Variants in CALN1 observed in about 807,000 individuals in gnomAD.
CALN1 encodes calneuron 1.
In CALN1, 17 loss-of-function variants were observed where a neutral mutation model predicts 30.6. The observed-to-expected ratio is 0.56, with a 90% CI of 0.38 to 0.83. CALN1 has a LOEUF of 0.83. Ranked by LOEUF, CALN1 falls within the 40% of genes least tolerant of loss-of-function variation. CALN1 has a pLI of 0.00. For missense variants in CALN1, 291 were observed against 354.9 expected, an observed-to-expected ratio of 0.82 and a Z score of 1.45; for synonymous variants, 156 against 131.4, an observed-to-expected ratio of 1.19 and a Z score of -1.28.
chr7:72,170,438 T>C (rs1788856985), intron 3 of CALN1, among the ~76,000 whole-genome samples: 1 of 152,222 alleles, frequency 6.6e-6, no homozygotes, highest in African/African-American at 2.4e-5. Context: ...GTCAACCAGA[T>C]GAGCAGCAGC....
chr7:72,068,278 A>C (rs1804161128), intron 4 of CALN1, among the ~76,000 whole-genome samples: 1 of 152,342 alleles, frequency 6.6e-6, no homozygotes, highest in African/African-American at 2.4e-5. Flanking sequence ...ATATTAACAG[A>C]GATCTATTCT....
chr7:71,851,810 G>A (rs186648345), intron 5 of CALN1, among the ~76,000 whole-genome samples: 4 of 152,264 alleles, frequency 2.6e-5, no homozygotes, highest in East Asian at 1.9e-4. Flanking sequence ...GCAGAAAAGT[G>A]CACAAACAAA....
At position 72,281,622 on chromosome 7, in the gene CALN1, C is replaced by G. The variant is rs564531190; in HGVS notation, c.120-2812G>C. On this transcript the variant is annotated intron_variant, in intron 2 of 6. Transcript: ENST00000395275. ...AAGTCTTCACAAGCATGGAAAGACA[C>G]CTGCTCTGTTCTTATCTAATTCACT... Among the ~76,000 whole-genome samples, 11 of 152,318 alleles carry G rather than the reference C, an allele frequency of 7.2e-5. 1 individual carries two copies. In the East Asian group the frequency reaches 1.9e-3, roughly 27 times the overall value.
intron 5 of CALN1, among the ~76,000 whole-genome samples, chr7:71,868,813 C>T (rs1791750513): frequency 6.6e-6 from 1 of 152,104 alleles, no homozygotes; most frequent in Admixed American, 6.6e-5. Flanking sequence ...GAAACCATAT[C>T]TGGGAAGGAT....
intron 5 of CALN1, chr7:71,913,759 AC>A (rs1365970704): frequency 6.6e-6 from 1 of 152,222 alleles, no homozygotes; most frequent in Non-Finnish European, 1.5e-5. Flanking sequence ...CCTGGTATTC[AC>A]AGGTGGTCTC....
At chr7:72,031,048 A>T (rs1163683011) in intron 4 of CALN1, among the ~76,000 whole-genome samples, 1 of 152,166 alleles carries the variant, frequency 6.6e-6, no homozygotes. Context: ...CCATTTGACA[A>T]ATGAGAAAAC....
chr7:72,313,054 C>T lies in CALN1; in HGVS notation c.120-34244G>A, dbSNP rs1191424242. The stretch of plus-strand genomic sequence containing the variant: ...TTCACCATGTTGGCCAGGCTGGTCT[C>T]GAACTCCTGACCTCAGGTGATCCGC... On this transcript the variant is annotated intron_variant, in intron 2 of 6. Coordinates refer to ENST00000395275, the MANE Select transcript of CALN1 (RefSeq NM_031468.4). 2.0e-5 allele frequency among the ~76,000 whole-genome samples: 3 copies of T among 152,112 alleles called. No individual in the cohort carries two copies. In the East Asian group the frequency reaches 5.8e-4, roughly 30 times the overall value.
chr7:72,407,057 G>A lies in CALN1; in HGVS notation c.-73-3615C>T, dbSNP rs1353178306. The stretch of plus-strand genomic sequence containing the variant: ...CCACCCAAAAAGTGATGTAGCCCTG[G>A]GTCTACGCTTTGAGTACTCTATCAC... On this transcript the variant is annotated intron_variant, in intron 1 of 6. Transcript: ENST00000395275. Among the ~76,000 whole-genome samples the A allele has an allele frequency of 1.4e-4, 22 of 152,040 alleles. 1 individual carries two copies. The highest frequency in any genetic ancestry group is 1.4e-3 in the Admixed American group (22 of 15,272).
chr7:71,943,536 G>T (rs1024824586), intron 5 of CALN1, among the ~76,000 whole-genome samples: 5 of 151,318 alleles, frequency 3.3e-5, no homozygotes. Context: ...TGCCTCTGGG[G>T]TTCAAGTCAT....
intron 3 of CALN1, among the ~76,000 whole-genome samples, chr7:72,162,094 G>A (rs1228592508): frequency 6.6e-6 from 1 of 151,522 alleles, no homozygotes; most frequent in Non-Finnish European, 1.5e-5. Context: ...GACAAACTTA[G>A]AATAGAGGTA....
At chr7:72,265,743 A>T (rs900959247) in intron 3 of CALN1, among the ~76,000 whole-genome samples, 1 of 152,054 alleles carries the variant, frequency 6.6e-6, no homozygotes, top group Non-Finnish European at 1.5e-5. Flanking sequence ...ACAAGATACC[A>T]CCCTCTGCTT....
intron 3 of CALN1, among the ~76,000 whole-genome samples, chr7:72,174,630 GAGAA>G (rs1789204545): frequency 1.3e-5 from 2 of 152,118 alleles, no homozygotes; most frequent in Admixed American, 1.3e-4. Flanking sequence ...AATATGCTAA[GAGAA>G]AGAAGCCAGA....
At chr7:72,233,390 G>T (rs988416541) in intron 3 of CALN1, among the ~76,000 whole-genome samples, 2 of 151,956 alleles carry the variant, frequency 1.3e-5, no homozygotes, top group Admixed American at 6.6e-5. Context: ...GAGAAGAGAA[G>T]GCAGTGTTCA....
chr7:72,093,101 T>C (rs1193303042), intron 4 of CALN1, among the ~76,000 whole-genome samples: 2 of 152,092 alleles, frequency 1.3e-5, no homozygotes, highest in East Asian at 1.9e-4. Flanking sequence ...GGGAAAAAAA[T>C]GGGTAACCAA....
chr7:71,919,900 G>T (rs1266100539), intron 5 of CALN1, among the ~76,000 whole-genome samples: 3 of 152,208 alleles, frequency 2.0e-5, no homozygotes, highest in African/African-American at 7.2e-5. Context: ...TCTAATGACA[G>T]TATTTCCCGA....
At chr7:72,384,915 C>T (rs1256671810) in intron 2 of CALN1, among the ~76,000 whole-genome samples, 1 of 151,988 alleles carries the variant, frequency 6.6e-6, no homozygotes, top group Non-Finnish European at 1.5e-5. Context: ...TGATAAAGGA[C>T]TTGTAGTCAA....
intron 1 of CALN1, among the ~76,000 whole-genome samples, chr7:72,410,772 C>G (rs187104310): frequency 6.2e-4 from 94 of 152,174 alleles, no homozygotes; most frequent in Admixed American, 9.8e-4. Flanking sequence ...TAAATACACA[C>G]ACCTCCGTAT....
intron 3 of CALN1, among the ~76,000 whole-genome samples, chr7:72,185,696 T>G (rs146124792): frequency 6.6e-6 from 1 of 152,170 alleles, no homozygotes; most frequent in African/African-American, 2.4e-5. Context: ...TGGGAGATAA[T>G]TGAATCATGG....
intron 3 of CALN1, among the ~76,000 whole-genome samples, chr7:72,140,340 A>AAAGG (rs1809824183): frequency 1.5e-5 from 1 of 65,336 alleles, no homozygotes; most frequent in Non-Finnish European, 3.4e-5. Context: ...AGAAGGAAGG[A>AAAGG]AGGGAGGGAG....
Sources: gnomAD v4.1 joint callset for allele counts (sites outside exome capture counted in the v4.1 genomes callset) on GRCh38, gnomAD v4.1.1 for gene constraint, MANE v1.5 for transcripts, NCBI Gene and HGNC (gene_info 2026-07-23, HGNC 2026-07-21) for gene names.